Variants in FRMD8 observed in about 807,000 individuals in gnomAD.
FRMD8 encodes the protein FERM domain containing 8, also known as FERM domain-containing protein 8.
FRMD8 carries 37 observed loss-of-function variants against 54.2 expected under a neutral mutation model. The ratio of observed to expected loss-of-function variants is 0.68; its 90% CI spans 0.53 to 0.90. FRMD8 has a LOEUF of 0.90. Among genes scored for constraint, FRMD8 ranks in the 40% least tolerant of loss-of-function variants. The pLI, the probability that FRMD8 is intolerant of heterozygous loss-of-function variation, is 0.00. For missense variants in FRMD8, 585 were observed against 653.7 expected (o/e 0.89, Z 1.15); for synonymous variants, 246 against 286.9 (o/e 0.86, Z 1.44).
At chr11:65,375,010 C>A in the FRMD8 span, among the ~76,000 whole-genome samples, 1 of 47,858 alleles carries the variant, frequency 2.1e-5, no homozygotes, top group Admixed American at 1.8e-4. Flanking sequence ...AAACAAGCAC[C>A]ATTGGCTGGG....
At chr11:65,373,002 A>G in the FRMD8 span, among the ~76,000 whole-genome samples, 1 of 152,190 alleles carries the variant, frequency 6.6e-6, no homozygotes, top group Non-Finnish European at 1.5e-5. Context: ...TGTTAATCTC[A>G]GCACTTTGGG....
rs1034178974 is a variant in FRMD8, at chr11:65,393,452, T to C, written c.254-121T>C. 7.2e-6 allele frequency: 5 copies of C among 693,930 alleles called. No individual in the cohort carries two copies. The African/African-American group carries it at 8.8e-5, about 12-fold the overall frequency. The allele number at this position is 693,930 out of a possible 1,614,324, so 43.0% of individuals were successfully genotyped here. ...TTGCAGAGTAAATGGCTCTGGACCC[T>C]TGGCACCTGCTCAGTTACTATTGGT... On this transcript the variant is annotated intron_variant, in intron 3 of 10. Coordinates refer to ENST00000317568, the MANE Select transcript of FRMD8 (RefSeq NM_031904.5).
intron 10 of FRMD8, among the ~76,000 whole-genome samples, chr11:65,407,210 T>A (rs1856219248): frequency 1.3e-5 from 2 of 148,620 alleles, no homozygotes. Context: ...AGTTTTTTAA[T>A]GCAGTAACAA....
chr11:65,383,254 C>G (rs1855655913), upstream of FRMD8: 1 of 152,420 alleles, frequency 6.6e-6, no homozygotes, highest in East Asian at 1.9e-4. Flanking sequence ...GTGGCCAAGG[C>G]AGAACCCACC....
chr11:65,399,320 G>A (rs1041286086), intron 7 of FRMD8, among the ~76,000 whole-genome samples: 3 of 151,972 alleles, frequency 2.0e-5, no homozygotes, highest in African/African-American at 4.8e-5. Flanking sequence ...TTGAGCCCTG[G>A]AGCCACTCCC....
chr11:65,409,365 G>A (rs1352108037), intron 10 of FRMD8, among the ~76,000 whole-genome samples: 1 of 152,180 alleles, frequency 6.6e-6, no homozygotes, highest in East Asian at 1.9e-4. Context: ...AGGATTACAG[G>A]AATAAGCCAC....
At position 65,406,017 on chromosome 11, in the gene FRMD8, TTTAA is replaced by T. The variant is rs869180230; in HGVS notation, c.1276+961_1276+964del. 1.3e-4 allele frequency among the ~76,000 whole-genome samples: 19 copies of T among 151,744 alleles called. 1 individual carries two copies. The highest frequency in any genetic ancestry group is 4.2e-4 in the South Asian group (2 of 4,814). ...TGAGACCCTATATATATATATTTTT[TTTAA>T]TTAATTAATTAGTTAACTATTTTTG... On this transcript the variant is annotated intron_variant, in intron 10 of 10. Coordinates refer to ENST00000317568, the MANE Select transcript of FRMD8 (RefSeq NM_031904.5).
rs577809951 is a variant in FRMD8, at chr11:65,386,674, G to C, written c.-88G>C. On this transcript the variant is annotated 5_prime_UTR_variant, in exon 1 of 11. Coordinates refer to ENST00000317568, the MANE Select transcript of FRMD8 (RefSeq NM_031904.5). ...TCAGCTGCGTCCTTAGCGGGAGCCC[G>C]AGTGCGGGCGGTGGCGGGCTTGGCG... The C allele has an allele frequency of 4.2e-4, 117 of 275,326 alleles. No individual in the cohort carries two copies. In the East Asian group the frequency reaches 7.7e-3, roughly 18 times the overall value. The allele number at this position is 275,326 out of a possible 1,614,324, so 17.1% of individuals were successfully genotyped here.
rs1590656071 is a variant in FRMD8 at position 65,400,691 on chromosome 11, G to T, written c.928-33G>T. 2 of 1,537,952 alleles carry T rather than the reference G, an allele frequency of 1.3e-6. No homozygotes were observed. The highest frequency in any genetic ancestry group is 2.3e-5 in the East Asian group (1 of 43,006). On this transcript the variant is annotated intron_variant, in intron 8 of 10. Coordinates refer to ENST00000317568, the MANE Select transcript of FRMD8 (RefSeq NM_031904.5). The surrounding 1 kb of genome is among the most constrained non-coding windows in gnomAD (Gnocchi z 4.3). ...GTGGGGAGCAGACCTCTGCCCAGGG[G>T]TCAAGCCTGGCTCTGTGTCTCCTGC...
In FRMD8 at chr11:65,411,256, C is replaced by T. The variant is rs370513658; in HGVS notation, c.1291C>T (p.Arg431Ter). ...DYVEDGKGIR[R>*]VKPKRTTSFF... ...TTCCCTCGCAGGCAAGGGGATCAGG[C>T]GAGTGAAGCCGAAGCGCACCACATC... The change falls in exon 11 of 11, where the codon CGA (arginine) becomes TGA (stop). Residue 431 changes from arginine to a stop codon, truncating the protein, a stop_gained. Transcript: ENST00000317568. LOFTEE classifies it high-confidence loss of function. 2.9e-5 allele frequency: 47 copies of T among 1,607,718 alleles called. No individual in the cohort carries two copies. Among genetic ancestry groups the T allele is most frequent in the Non-Finnish European group, 3.6e-5 (43 of 1,178,082 alleles).
chr11:65,396,741 C>A, intron 6 of FRMD8, 58 bp from the exon 7 acceptor site: 1 of 1,190,558 alleles, frequency 8.4e-7, no homozygotes, highest in South Asian at 1.8e-5. Context: ...CCTCGCCCTC[C>A]CCCGTGAGCC....
the FRMD8 span, chr11:65,381,383 C>T: frequency 6.4e-6 from 1 of 155,456 alleles, no homozygotes; most frequent in Non-Finnish European, 1.4e-5. Context: ...CCTACCTCAG[C>T]CTCCCAAAGT....
chr11:65,377,534 C>T, the FRMD8 span: 2 of 511,214 alleles, frequency 3.9e-6, no homozygotes, highest in Non-Finnish European at 5.1e-6. Context: ...TGTTCTCCTG[C>T]GCCCACCTCT....
intron 7 of FRMD8, among the ~76,000 whole-genome samples, chr11:65,398,066 G>A (rs745412319): frequency 2.0e-5 from 3 of 152,066 alleles, no homozygotes; most frequent in African/African-American, 4.8e-5. Flanking sequence ...AGTAGAGATA[G>A]GGTTTCACCA....
At chr11:65,410,487 T>C (rs570034715) in intron 10 of FRMD8, among the ~76,000 whole-genome samples, 40 of 147,266 alleles carry the variant, frequency 2.7e-4, no homozygotes, top group Non-Finnish European at 3.1e-4. Flanking sequence ...AGAGCAAGAC[T>C]CCATCTCAAA....
chr11:65,374,992 G>GAA, the FRMD8 span, among the ~76,000 whole-genome samples: 1 of 151,816 alleles, frequency 6.6e-6, no homozygotes. Flanking sequence ...TAGAGAAAAA[G>GAA]AAAAAGAAAA....
chr11:65,411,458 C>A lies in FRMD8; in HGVS notation c.*98C>A. The A allele has an allele frequency of 1.3e-6, 1 of 744,586 alleles. No individual in the cohort carries two copies. The highest frequency in any genetic ancestry group is 2.1e-5 in the South Asian group (1 of 46,546). 46.1% of individuals were successfully genotyped at this position (744,586 alleles called of 1,614,324 possible). A position where few individuals can be genotyped will look rare whatever the true frequency, so the allele number is the denominator to read the frequency against. On this transcript the variant is annotated 3_prime_UTR_variant, in exon 11 of 11. Transcript: ENST00000317568. ...CGGCTGCAACAGTCTCATGGGTCAC[C>A]ACGTGGGGAGGGCTGCCTCAGCAGG...
intron 10 of FRMD8, among the ~76,000 whole-genome samples, chr11:65,406,726 G>A (rs1856206777): frequency 6.6e-6 from 1 of 151,998 alleles, no homozygotes; most frequent in South Asian, 2.1e-4. Context: ...GATCACCTGA[G>A]GTCGGGAGTT....
upstream of FRMD8, chr11:65,381,704 G>A (rs1037764837): frequency 1.7e-6 from 1 of 574,286 alleles, no homozygotes; most frequent in Non-Finnish European, 3.2e-6. Context: ...ACAGGTGTGA[G>A]CCACCATGCC....
Sources: gnomAD v4.1 joint callset for allele counts (sites outside exome capture counted in the v4.1 genomes callset) on GRCh38, gnomAD v4.1.1 for gene constraint, Gnocchi (gnomAD v3.1) non-coding constraint, MANE v1.5 for transcripts, NCBI Gene and HGNC (gene_info 2026-07-23, HGNC 2026-07-21) for gene names.